Variants in USP35 observed in about 807,000 individuals in gnomAD.
USP35 encodes the protein ubiquitin specific peptidase 35.
Under a neutral mutation model 83.8 loss-of-function variants are expected in USP35, and 69 were observed. That is an observed-to-expected ratio of 0.82 (90% CI 0.68 to 1.01). USP35 has a LOEUF of 1.01. Ranked by LOEUF, USP35 falls within the 50% of genes least tolerant of loss-of-function variation. USP35 has a pLI of 0.00. For synonymous variants in USP35, 714 were observed against 589.5 expected, an observed-to-expected ratio of 1.21 and a Z score of -3.06; for missense variants, 1,503 against 1,362.5, an observed-to-expected ratio of 1.10 and a Z score of -1.62.
chr11:78,235,797 C>T, the USP35 span, among the ~76,000 whole-genome samples: 3 of 152,202 alleles, frequency 2.0e-5, no homozygotes, highest in South Asian at 6.2e-4. Flanking sequence ...CCACAAGTCT[C>T]TAGGAAGTTC....
chr11:78,216,362 G>A (rs1170608607), downstream of USP35: 26 of 152,202 alleles, frequency 1.7e-4, 1 homozygote, highest in Admixed American at 1.7e-3. Context: ...CCCAGGAGAG[G>A]TGGACTTTGA....
intron 1 of USP35, among the ~76,000 whole-genome samples, chr11:78,190,339 T>C (rs1184505493): frequency 6.6e-6 from 1 of 152,240 alleles, no homozygotes; most frequent in Non-Finnish European, 1.5e-5. Context: ...TCCAGTGACC[T>C]CTGTAGGGGC....
At chr11:78,223,636 G>A in the USP35 span, 1 of 1,612,274 alleles carries the variant, frequency 6.2e-7, no homozygotes, top group Non-Finnish European at 8.5e-7. Flanking sequence ...GTTGTCTTCA[G>A]AATTGGTGCT....
chr11:78,231,241 C>G, the USP35 span, among the ~76,000 whole-genome samples: 1 of 152,146 alleles, frequency 6.6e-6, no homozygotes, highest in East Asian at 1.9e-4. Context: ...TGCCAAGTGC[C>G]TTCCCTTTCC....
chr11:78,227,153 T>G, the USP35 span: 1 of 725,460 alleles, frequency 1.4e-6, no homozygotes, highest in East Asian at 2.7e-5. Flanking sequence ...TTTAGGCATC[T>G]GTAAAATGGT....
At chr11:78,226,713 G>A in the USP35 span, 3 of 1,613,850 alleles carry the variant, frequency 1.9e-6, no homozygotes, top group South Asian at 1.1e-5. Context: ...GGCTGAGAGT[G>A]GGGTGGCCGG....
the USP35 span, chr11:78,223,626 G>A: frequency 1.6e-4 from 265 of 1,612,956 alleles, 1 homozygote; most frequent in African/African-American, 3.3e-3. Flanking sequence ...TGGGCACATA[G>A]TTGTCTTCAG....
the USP35 span, among the ~76,000 whole-genome samples, chr11:78,222,954 G>A: frequency 2.6e-5 from 4 of 152,140 alleles, no homozygotes; most frequent in African/African-American, 4.8e-5. Flanking sequence ...TGGCCAGGTC[G>A]GTGCAAGCCA....
chr11:78,195,003 A>AG (rs914407420), intron 1 of USP35, among the ~76,000 whole-genome samples: 3 of 152,156 alleles, frequency 2.0e-5, no homozygotes, highest in African/African-American at 7.2e-5. Flanking sequence ...TGAGGTCTGC[A>AG]GGGGGAGGGA....
At chr11:78,206,590 G>C (rs1863537226) in intron 7 of USP35, among the ~76,000 whole-genome samples, 1 of 152,222 alleles carries the variant, frequency 6.6e-6, no homozygotes. Flanking sequence ...CTAAGGTGCT[G>C]CTGGTGCACG....
the USP35 span, among the ~76,000 whole-genome samples, chr11:78,236,241 G>A: frequency 7.9e-5 from 12 of 152,212 alleles, no homozygotes; most frequent in East Asian, 2.3e-3. Context: ...TTTTCCAATT[G>A]TTCACTGCAT....
chr11:78,226,619 G>GGGGGGGGGGGGGCCC, the USP35 span: 1 of 952,220 alleles, frequency 1.1e-6, no homozygotes, highest in Non-Finnish European at 1.6e-6. Flanking sequence ...GGCGGGGTGG[G>GGGGGGGGGGGGGCCC]GGAGCTATGG....
chr11:78,219,428 A>G, downstream of USP35: 1 of 1,613,316 alleles, frequency 6.2e-7, no homozygotes, highest in Non-Finnish European at 8.5e-7. Context: ...GAGGGGACAG[A>G]GTGGGAAAGA....
At position 78,201,657 on chromosome 11, in the gene USP35, A is replaced by G. The variant is rs143309835; in HGVS notation, c.1197+849A>G. Among the ~76,000 whole-genome samples, 642 of 152,304 alleles carry G rather than the reference A, an allele frequency of 4.2e-3. 2 individuals are homozygous for G. The highest frequency in any genetic ancestry group is 0.013 in the African/African-American group (556 of 41,568). Reference sequence around the variant, plus strand: ...CTGACAGTGACTAACATCTGTGGCTACTGCTACACTTGAGATTATTTTCCT... The same window carrying G: ...CTGACAGTGACTAACATCTGTGGCTGCTGCTACACTTGAGATTATTTTCCT... On this transcript the variant is annotated intron_variant, in intron 6 of 10. Transcript: ENST00000529308.
chr11:78,231,500 C>G, the USP35 span, among the ~76,000 whole-genome samples: 1 of 152,140 alleles, frequency 6.6e-6, no homozygotes, highest in South Asian at 2.1e-4. Context: ...CAGGAGCGTA[C>G]CACTGCACCT....
At chr11:78,191,223 C>A (rs1862994881) in intron 1 of USP35, among the ~76,000 whole-genome samples, 2 of 152,180 alleles carry the variant, frequency 1.3e-5, no homozygotes, top group Admixed American at 1.3e-4. Context: ...CTCAACTGTG[C>A]AGGAGCAGAG....
In USP35 at chr11:78,196,315, C is replaced by A. The variant is rs1863142210; in HGVS notation, c.70C>A (p.Arg24Ser). 1 of 1,590,916 alleles carries A rather than the reference C, an allele frequency of 6.3e-7. No homozygotes were observed. The highest frequency in any genetic ancestry group is 8.5e-7 in the Non-Finnish European group (1 of 1,175,898). ...PVSVKQGLVR[R>S]VLEAARQPLE... is the part of the protein sequence containing the mutation. ...CAGCGTGAAGCAGGGGCTGGTTCGG[C>A]GCGTGCTGGAGGCGGCGCGGCAGCC... The change falls in exon 2 of 11, where the codon CGC becomes AGC. Residue 24 changes from arginine (R) to serine (S), a missense_variant. Arg to Ser is a moderately radical substitution (Grantham distance 110). Coordinates refer to ENST00000529308, the MANE Select transcript of USP35 (RefSeq NM_020798.4). This position sits in a 1 kb window ranked among gnomAD's most constrained non-coding sequence, Gnocchi z 4.8.
At chr11:78,199,172 T>G in intron 3 of USP35, 3 of 215,634 alleles carry the variant, frequency 1.4e-5, no homozygotes, top group Non-Finnish European at 9.5e-6. Flanking sequence ...CTGAGGGAGG[T>G]ATTATCCCCA....
rs1590917024 is a variant in USP35 at position 78,210,410 on chromosome 11, T to C, written c.2555T>C (p.Val852Ala). The C allele has an allele frequency of 6.2e-7, 1 of 1,613,918 alleles. No individual in the cohort carries two copies. The highest frequency in any genetic ancestry group is 1.3e-5 in the African/African-American group (1 of 74,952). ...GQAYDLCSVV[V>A]HSGVSSESGH... Reference sequence around the variant, plus strand: ...GCCTATGACCTCTGCAGTGTGGTGGTGCACTCTGGAGTGTCTTCGGAGAGT... The same window carrying C: ...GCCTATGACCTCTGCAGTGTGGTGGCGCACTCTGGAGTGTCTTCGGAGAGT... Residue 852 changes from valine (V) to alanine (A), a missense_variant, in exon 10 of 11, where the codon GTG (valine) becomes GCG (alanine). Val to Ala is a moderately conservative substitution (Grantham distance 64, BLOSUM62 0). Coordinates refer to ENST00000529308, the MANE Select transcript of USP35 (RefSeq NM_020798.4).
Sources: allele counts gnomAD v4.1 joint callset (sites outside exome capture counted in the v4.1 genomes callset), GRCh38; gene constraint gnomAD v4.1.1; non-coding constraint Gnocchi (gnomAD v3.1); transcripts MANE v1.5; gene names NCBI Gene and HGNC (gene_info 2026-07-23, HGNC 2026-07-21).